ADAMTS12: variants seen among roughly 807,000 people sequenced by gnomAD.
ADAMTS12 encodes ADAM metallopeptidase with thrombospondin type 1 motif 12.
A neutral mutation model predicts 167.8 loss-of-function variants in ADAMTS12; 118 were observed. That is an observed-to-expected ratio of 0.70 (90% CI 0.61 to 0.82). The LOEUF (loss-of-function observed/expected upper bound fraction) is 0.82. Among genes scored for constraint, ADAMTS12 ranks in the 40% least tolerant of loss-of-function variants. The pLI, the probability that ADAMTS12 is intolerant of heterozygous loss-of-function variation, is 0.00. For missense variants in ADAMTS12, 1,916 were observed against 1,998.8 expected (o/e 0.96, Z 0.79); for synonymous variants, 704 against 716.9 (o/e 0.98, Z 0.29).
chr5:33,750,553 A>G (rs981006418), intron 3 of ADAMTS12, among the ~76,000 whole-genome samples: 2 of 152,100 alleles, frequency 1.3e-5, no homozygotes, highest in African/African-American at 4.8e-5. Flanking sequence ...AATCCTCAAG[A>G]CTCATAAATA....
rs563404787 is a variant in ADAMTS12 at position 33,655,997 on chromosome 5, C to T, written c.1190+2187G>A. On this transcript the variant is annotated intron_variant, in intron 7 of 23. Coordinates refer to ENST00000504830, the MANE Select transcript of ADAMTS12 (RefSeq NM_030955.4). ...GTTCTCTAGTTCTGCCTTCAGTGTT[C>T]TTTAATTCTTTTACTTAGAAACTTG... Among the ~76,000 whole-genome samples, 21 of 152,188 alleles carry T rather than the reference C, an allele frequency of 1.4e-4. No homozygotes were observed. The East Asian group carries it at 4.0e-3, about 29-fold the overall frequency.
chr5:33,528,215 A>C (rs1239468069), intron 23 of ADAMTS12, among the ~76,000 whole-genome samples: 1 of 152,164 alleles, frequency 6.6e-6, no homozygotes, highest in Non-Finnish European at 1.5e-5. Flanking sequence ...AGTGGGAGCT[A>C]AGCTATGAGG....
intron 5 of ADAMTS12, among the ~76,000 whole-genome samples, chr5:33,681,990 A>G (rs957358036): frequency 6.6e-6 from 1 of 152,214 alleles, no homozygotes; most frequent in Non-Finnish European, 1.5e-5. Flanking sequence ...ATTTAAAATG[A>G]TCAATTATGG....
At chr5:33,673,317 A>G (rs556190470) in intron 5 of ADAMTS12, among the ~76,000 whole-genome samples, 1 of 152,226 alleles carries the variant, frequency 6.6e-6, no homozygotes, top group East Asian at 1.9e-4. Flanking sequence ...TCCGAGTTCA[A>G]ATTTATGAAC....
At chr5:33,635,758 T>C (rs1223388119) in intron 12 of ADAMTS12, among the ~76,000 whole-genome samples, 2 of 152,172 alleles carry the variant, frequency 1.3e-5, no homozygotes, top group African/African-American at 2.4e-5. Context: ...GGGATGCCTG[T>C]TAACTAAGCA....
chr5:33,607,942 G>A (rs1373570208), intron 16 of ADAMTS12, among the ~76,000 whole-genome samples: 1 of 152,178 alleles, frequency 6.6e-6, no homozygotes, highest in Non-Finnish European at 1.5e-5. Context: ...ATATAAAGCT[G>A]CAAAAATTAG....
At chr5:33,704,230 T>C (rs1214551590) in intron 3 of ADAMTS12, among the ~76,000 whole-genome samples, 1 of 152,226 alleles carries the variant, frequency 6.6e-6, no homozygotes, top group East Asian at 1.9e-4. Context: ...TACCACATTT[T>C]CTTTATCCAT....
chr5:33,571,969 C>G (rs1170759150), intron 19 of ADAMTS12, among the ~76,000 whole-genome samples: 1 of 152,182 alleles, frequency 6.6e-6, no homozygotes, highest in Non-Finnish European at 1.5e-5. Context: ...ACTACAAACA[C>G]CTCTACACAA....
intron 3 of ADAMTS12, among the ~76,000 whole-genome samples, chr5:33,698,894 C>T (rs972077927): frequency 5.3e-5 from 8 of 152,274 alleles, no homozygotes; most frequent in East Asian, 1.9e-4. Context: ...TGGTGGCTTA[C>T]GCCTGTAATC....
chr5:33,877,787 T>C (rs1450112646), intron 2 of ADAMTS12, among the ~76,000 whole-genome samples: 10 of 152,132 alleles, frequency 6.6e-5, no homozygotes, highest in African/African-American at 2.4e-4. Flanking sequence ...GTAGCTTTTC[T>C]AGGGTCCTCA....
In ADAMTS12 at chr5:33,831,460, A is replaced by C. The variant is rs538216021; in HGVS notation, c.489+49659T>G. Among the ~76,000 whole-genome samples the C allele has an allele frequency of 3.3e-5, 5 of 152,332 alleles. No individual in the cohort carries two copies. In the South Asian group the frequency reaches 8.3e-4, roughly 25 times the overall value. ...GATCTTAAGTGTTGCTATCCTGTGA[A>C]AGTTTCTGCACAAATTAGCCCAAAT... On this transcript the variant is annotated intron_variant, in intron 2 of 23. Coordinates refer to ENST00000504830, the MANE Select transcript of ADAMTS12 (RefSeq NM_030955.4).
chr5:33,814,303 T>C (rs1257625982), intron 2 of ADAMTS12, among the ~76,000 whole-genome samples: 1 of 152,336 alleles, frequency 6.6e-6, no homozygotes, highest in Non-Finnish European at 1.5e-5. Flanking sequence ...TTACTTTTTT[T>C]CCATATAGAT....
chr5:33,608,607 C>A (rs1162586599), intron 16 of ADAMTS12, among the ~76,000 whole-genome samples: 2 of 152,142 alleles, frequency 1.3e-5, no homozygotes, highest in Admixed American at 1.3e-4. Flanking sequence ...ACAATGAACC[C>A]ACCTTTTCAC....
intron 9 of ADAMTS12, among the ~76,000 whole-genome samples, chr5:33,644,247 T>A (rs1371069342): frequency 6.6e-6 from 1 of 152,242 alleles, no homozygotes; most frequent in Non-Finnish European, 1.5e-5. Context: ...CCCGTAATTG[T>A]TGTTGATGGA....
intron 3 of ADAMTS12, among the ~76,000 whole-genome samples, chr5:33,725,670 G>T (rs961152900): frequency 1.3e-5 from 2 of 152,238 alleles, no homozygotes; most frequent in African/African-American, 4.8e-5. Flanking sequence ...AGCCGCAGCT[G>T]GGAATGGCCT....
chr5:33,859,487 G>A (rs1165756048), intron 2 of ADAMTS12, among the ~76,000 whole-genome samples: 1 of 152,218 alleles, frequency 6.6e-6, no homozygotes, highest in East Asian at 1.9e-4. Flanking sequence ...GGGCATCTCT[G>A]AAAGAAAGGC....
intron 2 of ADAMTS12, among the ~76,000 whole-genome samples, chr5:33,874,465 A>G (rs1750153631): frequency 6.6e-6 from 1 of 152,226 alleles, no homozygotes; most frequent in Non-Finnish European, 1.5e-5. Context: ...ATAGGAACTC[A>G]CCTTCATTGC....
chr5:33,599,937 T>G (rs1409892226), intron 16 of ADAMTS12, among the ~76,000 whole-genome samples: 1 of 152,246 alleles, frequency 6.6e-6, no homozygotes, highest in Non-Finnish European at 1.5e-5. Context: ...TATGTGACCT[T>G]GATCTTTCCC....
At chr5:33,717,119 GT>G (rs35812625) in intron 3 of ADAMTS12, among the ~76,000 whole-genome samples, 84,226 of 148,316 alleles carry the variant, frequency 0.57, 25,224 homozygotes, top group Non-Finnish European at 0.69. Context: ...GAAATTGTAG[GT>G]TTTTTTTTTT....
Sources: allele counts gnomAD v4.1 joint callset (sites outside exome capture counted in the v4.1 genomes callset), GRCh38; gene constraint gnomAD v4.1.1; transcripts MANE v1.5; gene names NCBI Gene and HGNC (gene_info 2026-07-23, HGNC 2026-07-21).